The following CEP170 variants were observed in gnomAD, a reference collection of about 807,000 sequenced individuals.
The protein encoded by CEP170 is centrosomal protein of 170 kDa.
A neutral mutation model predicts 151.9 loss-of-function variants in CEP170; 21 were observed. The observed-to-expected ratio is 0.14, with a 90% CI of 0.10 to 0.20. The LOEUF (loss-of-function observed/expected upper bound fraction) is 0.20, where lower values mean the gene tolerates loss of function less well. CEP170 is among the 10% of genes least tolerant of loss of function. The probability of loss-of-function intolerance (pLI) is 1.00; values close to 1 mark genes in which losing one functional copy is unlikely to be tolerated. For missense variants in CEP170, 964 were observed against 1,892.9 expected, an observed-to-expected ratio of 0.51 and a Z score of 9.11; for synonymous variants, 356 against 648.8, an observed-to-expected ratio of 0.55 and a Z score of 6.86.
intron 14 of CEP170, among the ~76,000 whole-genome samples, chr1:243,155,935 T>C (rs2057506391): frequency 1.3e-5 from 2 of 152,068 alleles, no homozygotes; most frequent in Non-Finnish European, 2.9e-5. Context: ...CTTTCAAAGT[T>C]TCACTTACTT....
chr1:243,230,081 T>G (rs1470704898), intron 1 of CEP170, among the ~76,000 whole-genome samples: 2 of 152,174 alleles, frequency 1.3e-5, no homozygotes, highest in South Asian at 2.1e-4. Context: ...CCGGGCATGG[T>G]AGCCCACATA....
At chr1:243,132,780 CTG>C (rs1391852243) in intron 17 of CEP170, among the ~76,000 whole-genome samples, 1 of 152,168 alleles carries the variant, frequency 6.6e-6, no homozygotes, top group Admixed American at 6.5e-5. Flanking sequence ...AGCAGGTAAT[CTG>C]TGAACATCTG....
chr1:243,221,829 T>C lies in CEP170; in HGVS notation c.106-16A>G, dbSNP rs752671473. The C allele has an allele frequency of 1.3e-5, 21 of 1,596,128 alleles. No homozygotes were observed. Among genetic ancestry groups the C allele is most frequent in the Non-Finnish European group, 1.8e-5 (21 of 1,172,296 alleles). On this transcript the variant is annotated splice_polypyrimidine_tract_variant and intron_variant, in intron 2 of 19. Transcript: ENST00000366542. ...CACTACGAGACTGAAAGGAATGTTGTCAGTTAATAAATATAAGAAAATACT... is the reference window on the plus strand; with the variant it reads ...CACTACGAGACTGAAAGGAATGTTGCCAGTTAATAAATATAAGAAAATACT...
At chr1:243,189,549 C>CT (rs2060169234) in intron 8 of CEP170, among the ~76,000 whole-genome samples, 1 of 133,404 alleles carries the variant, frequency 7.5e-6, no homozygotes, top group Admixed American at 8.1e-5. Flanking sequence ...AAGCGAGACT[C>CT]TGTCTCCAAA....
At chr1:243,188,527 A>G (rs2970427) in intron 8 of CEP170, among the ~76,000 whole-genome samples, 2 of 152,172 alleles carry the variant, frequency 1.3e-5, no homozygotes, top group Non-Finnish European at 2.9e-5. Flanking sequence ...GTCCTCACCA[A>G]GTTCTTTTCT....
chr1:243,162,923 C>T (rs2058175227), intron 13 of CEP170, among the ~76,000 whole-genome samples: 1 of 152,154 alleles, frequency 6.6e-6, no homozygotes, highest in African/African-American at 2.4e-5. Flanking sequence ...TTGTGAACCA[C>T]CAACCAAAGC....
chr1:243,151,257 T>G (rs1316142495), intron 14 of CEP170, among the ~76,000 whole-genome samples: 1 of 150,796 alleles, frequency 6.6e-6, no homozygotes, highest in Non-Finnish European at 1.5e-5. Flanking sequence ...CCATGCCTTT[T>G]GTGTTCCCTA....
rs375698487 is a variant in CEP170, at chr1:243,145,447, G to T, written c.3912-2984C>A. Among the ~76,000 whole-genome samples, 27 of 152,272 alleles carry T rather than the reference G, an allele frequency of 1.8e-4. No homozygotes were observed. In the East Asian group the frequency reaches 4.8e-3, roughly 27 times the overall value. ...GCACCACCACGCCCGGCTAATTTTG[G>T]TATTTTTAGTAGCAATGAGGTTTCA... is the stretch of plus-strand genomic sequence containing the variant. On this transcript the variant is annotated intron_variant, in intron 14 of 19. Transcript: ENST00000366542.
chr1:243,210,052 A>T (rs2061679680), intron 4 of CEP170, among the ~76,000 whole-genome samples: 1 of 152,222 alleles, frequency 6.6e-6, no homozygotes. Context: ...TCCAGACAGT[A>T]GTTATGGCTC....
intron 19 of CEP170, among the ~76,000 whole-genome samples, chr1:243,127,531 CA>C (rs2053846516): frequency 6.6e-6 from 1 of 152,152 alleles, no homozygotes; most frequent in Non-Finnish European, 1.5e-5. Flanking sequence ...ACTGTGTTAG[CA>C]AGCCACTTTT....
intron 2 of CEP170, among the ~76,000 whole-genome samples, chr1:243,223,010 G>A (rs7530855): frequency 0.95 from 145,435 of 152,296 alleles, 69,812 homozygotes; most frequent in East Asian, 1. Context: ...TCATTACTTT[G>A]AATTTTTATT....
At chr1:243,158,570 G>A (rs537260004) in intron 13 of CEP170, among the ~76,000 whole-genome samples, 7 of 152,194 alleles carry the variant, frequency 4.6e-5, no homozygotes, top group African/African-American at 7.2e-5. Context: ...ATTAATATAC[G>A]TTAAATGTCA....
rs2066246581 is a variant in CEP170 at position 243,254,087 on chromosome 1, CTCTA to C, written c.-42+949_-42+952del. Among the ~76,000 whole-genome samples the C allele has an allele frequency of 1.3e-4, 20 of 152,192 alleles. No individual in the cohort carries two copies. The South Asian group carries it at 4.2e-3, about 32-fold the overall frequency. On this transcript the variant is annotated intron_variant, in intron 1 of 19. Coordinates refer to ENST00000366542, the MANE Select transcript of CEP170 (RefSeq NM_014812.3). ...CACAACAGCTTCGTTGTCAGGCCCT[CTCTA>C]GCCCAGGCTCCAACGTCACCTAGTA...
Position 243,128,538 on chromosome 1 carries a change from G to A in CEP170, c.4414-238C>T, listed in dbSNP as rs191126502. The A allele has an allele frequency of 6.5e-5, 29 of 447,436 alleles. No individual in the cohort carries two copies. In the East Asian group the frequency reaches 1.2e-3, roughly 19 times the overall value. The allele number at this position is 447,436 out of a possible 1,614,324, so 27.7% of individuals were successfully genotyped here. A position where few individuals can be genotyped will look rare whatever the true frequency, so the allele number is the denominator to read the frequency against. Reference sequence around the variant, plus strand: ...TTTCAGTGAGATGATTGTAGCAGATGAAAAGTTTAACATTTACTACTATTT... The same window carrying A: ...TTTCAGTGAGATGATTGTAGCAGATAAAAAGTTTAACATTTACTACTATTT... On this transcript the variant is annotated intron_variant, in intron 18 of 19. Coordinates refer to ENST00000366542, the MANE Select transcript of CEP170 (RefSeq NM_014812.3).
At chr1:243,241,556 G>A (rs955231762) in intron 1 of CEP170, among the ~76,000 whole-genome samples, 38 of 152,150 alleles carry the variant, frequency 2.5e-4, no homozygotes, top group Admixed American at 2.2e-3. Flanking sequence ...TTGGGAGGCC[G>A]AGGCGGGTGG....
At chr1:243,195,952 C>A (rs1368292605) in intron 7 of CEP170, among the ~76,000 whole-genome samples, 1 of 151,892 alleles carries the variant, frequency 6.6e-6, no homozygotes, top group Non-Finnish European at 1.5e-5. Flanking sequence ...AGGAATTTGA[C>A]ACAAGACATA....
intron 1 of CEP170, among the ~76,000 whole-genome samples, chr1:243,253,879 G>T (rs1265084963): frequency 6.6e-6 from 1 of 152,122 alleles, no homozygotes. Flanking sequence ...CTCCCAAATG[G>T]CTGAATTTTC....
At chr1:243,215,614 C>A (rs890773773) in intron 3 of CEP170, among the ~76,000 whole-genome samples, 1 of 152,196 alleles carries the variant, frequency 6.6e-6, no homozygotes, top group Admixed American at 6.5e-5. Flanking sequence ...CTCTCAAACC[C>A]TGTCTCCTGA....
chr1:243,133,634 C>A (rs964672019), intron 17 of CEP170, among the ~76,000 whole-genome samples: 1 of 152,032 alleles, frequency 6.6e-6, no homozygotes, highest in African/African-American at 2.4e-5. Flanking sequence ...TTTTTCCCTA[C>A]AAATTTCAGT....
Sources: allele counts gnomAD v4.1 joint callset (sites outside exome capture counted in the v4.1 genomes callset), GRCh38; gene constraint gnomAD v4.1.1; transcripts MANE v1.5; gene names NCBI Gene and HGNC (gene_info 2026-07-23, HGNC 2026-07-21).